DNAH14: variants seen among roughly 807,000 people sequenced by gnomAD.
The protein encoded by DNAH14 is axonemal beta dynein heavy chain 14.
Under a neutral mutation model 520.9 loss-of-function variants are expected in DNAH14, and 478 were observed. The ratio of observed to expected loss-of-function variants is 0.92; its 90% CI spans 0.85 to 0.99. The LOEUF is 0.99. Ranked by LOEUF, DNAH14 falls within the 50% of genes least tolerant of loss-of-function variation. DNAH14 has a pLI of 0.00. For synonymous variants in DNAH14, 1,581 were observed against 1,757.2 expected (o/e 0.90, Z 2.51); for missense variants, 4,831 against 5,234.5 (o/e 0.92, Z 2.38).
At chr1:225,102,102 C>T (rs1014439656) in intron 23 of DNAH14, among the ~76,000 whole-genome samples, 1 of 145,886 alleles carries the variant, frequency 6.9e-6, no homozygotes, top group Non-Finnish European at 1.5e-5. Flanking sequence ...CATGTGTTCT[C>T]ATTGTTCAAT....
chr1:225,283,593 T>G (rs1331870110), intron 54 of DNAH14, among the ~76,000 whole-genome samples: 1 of 152,118 alleles, frequency 6.6e-6, no homozygotes, highest in Non-Finnish European at 1.5e-5. Context: ...AGTTGGACAC[T>G]TCAATACCTT....
intron 45 of DNAH14, 97 bp from the exon 46 acceptor site, chr1:225,259,024 T>C: frequency 7.7e-7 from 1 of 1,291,792 alleles, no homozygotes; most frequent in Non-Finnish European, 1.0e-6. Flanking sequence ...TTTTATGCAA[T>C]TTTCAATTGA....
At chr1:225,331,032 C>T (rs1162703499) in intron 64 of DNAH14, among the ~76,000 whole-genome samples, 1 of 152,118 alleles carries the variant, frequency 6.6e-6, no homozygotes, top group Non-Finnish European at 1.5e-5. Context: ...ACAGTTGATT[C>T]ATCATACAGC....
In DNAH14 at chr1:225,266,752, G is replaced by A. The variant is rs750211706; in HGVS notation, c.7522G>A (p.Glu2508Lys). The change falls in exon 49 of 86, where the codon GAA becomes AAA. Residue 2508 changes from glutamate (E) to lysine (K), a missense_variant. Physicochemically the swap from Glu to Lys is moderately conservative, Grantham distance 56. Coordinates refer to ENST00000682510, the MANE Select transcript of DNAH14 (RefSeq NM_001367479.1). ...LLDLGGVYDT[E>K]KNTWKNIQDL... is the part of the protein sequence containing the mutation. ...AGATTTGGGAGGAGTTTATGATACT[G>A]AAAAAAATACATGGAAGGTACAGTA... 8.6e-6 allele frequency: 13 copies of A among 1,511,640 alleles called. No homozygotes were observed. The highest frequency in any genetic ancestry group is 1.1e-5 in the Non-Finnish European group (13 of 1,135,056). The allele number at this position is 1,511,640 out of a possible 1,614,324, so 93.6% of individuals were successfully genotyped here.
Position 225,192,738 on chromosome 1 carries a change from C to A in DNAH14, c.5713C>A (p.Pro1905Thr), listed in dbSNP as rs2085605957. ...AAAAGTAGATATTTGTGTTTTAAAT[C>A]CAAAGTGTGTCACTCTCAGTGAACT... ...KGKVDICVLN[P>T]KCVTLSELYG... Residue 1905 changes from proline (P) to threonine (T), a missense_variant, in exon 38 of 86, where the codon CCA becomes ACA. Pro to Thr is a conservative substitution (Grantham distance 38, BLOSUM62 -1). Transcript: ENST00000682510. The A allele has an allele frequency of 6.5e-7, 1 of 1,549,462 alleles. No individual in the cohort carries two copies. Among genetic ancestry groups the A allele is most frequent in the South Asian group, 1.2e-5 (1 of 83,802 alleles).
At position 225,206,175 on chromosome 1, in the gene DNAH14, A is replaced by G. The variant is rs929471758; in HGVS notation, c.6182A>G (p.Tyr2061Cys). ...ACTGTCAGCCGATGTGCCATGGTCT[A>G]TATGGTAAGCTTTCAAAAACAAATG... is the stretch of plus-strand genomic sequence containing the variant. Reference protein sequence around the residue: ...PATVSRCAMVYMDPVDLGWEP... With the variant: ...PATVSRCAMVCMDPVDLGWEP... Residue 2061 changes from tyrosine (Y) to cysteine (C), a missense_variant, in exon 40 of 86, where the codon TAT becomes TGT. Physicochemically the swap from Tyr to Cys is radical, Grantham distance 194 (BLOSUM62 -2). Transcript: ENST00000682510. 6 of 1,540,942 alleles carry G rather than the reference A, an allele frequency of 3.9e-6. No homozygotes were observed. The highest frequency in any genetic ancestry group is 4.4e-6 in the Non-Finnish European group (5 of 1,139,628).
intron 1 of DNAH14, among the ~76,000 whole-genome samples, chr1:224,935,996 C>CA (rs1297302267): frequency 4.0e-5 from 6 of 151,104 alleles, no homozygotes; most frequent in Non-Finnish European, 8.9e-5. Flanking sequence ...AAGACAGAAA[C>CA]AAAAAAAATT....
chr1:225,104,617 G>A (rs368941840), intron 23 of DNAH14, among the ~76,000 whole-genome samples: 3,886 of 151,958 alleles, frequency 0.026, 132 homozygotes, highest in African/African-American at 0.08. Flanking sequence ...GTCTTGGGAG[G>A]GTGTATGTGT....
intron 38 of DNAH14, 87 bp downstream of exon 38, chr1:225,192,998 A>AGACATCTAT (rs1371185165): frequency 1.0e-6 from 1 of 1,004,166 alleles, no homozygotes; most frequent in African/African-American, 1.6e-5. Context: ...AAACATCATT[A>AGACATCTAT]GACATCTATT....
rs567798418 is a variant in DNAH14, at chr1:225,252,393, A to G, written c.6841A>G (p.Asn2281Asp). 2 of 1,533,776 alleles carry G rather than the reference A, an allele frequency of 1.3e-6. No homozygotes were observed. The highest frequency in any genetic ancestry group is 2.7e-5 in the African/African-American group (2 of 72,826). The change falls in exon 44 of 86, where the codon AAT becomes GAT. Residue 2281 changes from asparagine to aspartate, a missense_variant. Transcript: ENST00000682510. The stretch of plus-strand genomic sequence containing the variant: ...CATACCTTGGTCAGATTTAGTTCCT[A>G]ATGATCAGACACTAATTCAAAGAGG... ...EFIPWSDLVP[N>D]DQTLIQRGTS...
At chr1:225,161,942 C>G (rs1276689963) in intron 35 of DNAH14, among the ~76,000 whole-genome samples, 1 of 152,098 alleles carries the variant, frequency 6.6e-6, no homozygotes, top group Non-Finnish European at 1.5e-5. Context: ...AATATTTTCT[C>G]CCATTCTGTG....
intron 54 of DNAH14, among the ~76,000 whole-genome samples, chr1:225,278,561 G>A (rs2093549829): frequency 1.3e-5 from 2 of 151,974 alleles, no homozygotes; most frequent in East Asian, 1.9e-4. Flanking sequence ...CTGGTCCTTA[G>A]CCTTATCTTA....
chr1:225,100,282 C>CCCCCTCTGT (rs1243891839), intron 22 of DNAH14, among the ~76,000 whole-genome samples: 9 of 152,024 alleles, frequency 5.9e-5, no homozygotes, highest in African/African-American at 1.9e-4. Flanking sequence ...AAGCTGAATG[C>CCCCCTCTGT]CCCCTCTGTC....
intron 15 of DNAH14, among the ~76,000 whole-genome samples, chr1:225,049,773 C>CTATCTATCTAT (rs1553408761): frequency 1.9e-4 from 27 of 143,020 alleles, no homozygotes; most frequent in South Asian, 6.8e-4. Context: ...TATCTATCTA[C>CTATCTATCTAT]CTATCTATCT....
chr1:225,208,760 G>T (rs2087937937), intron 41 of DNAH14, among the ~76,000 whole-genome samples: 1 of 152,014 alleles, frequency 6.6e-6, no homozygotes, highest in African/African-American at 2.4e-5. Flanking sequence ...TACACCTCTT[G>T]GATGTTCTGT....
intron 55 of DNAH14, among the ~76,000 whole-genome samples, chr1:225,297,548 A>C (rs1288568864): frequency 6.6e-6 from 1 of 152,210 alleles, no homozygotes; most frequent in Non-Finnish European, 1.5e-5. Context: ...TATGGGTTTT[A>C]CAGTGTCAGT....
chr1:225,162,794 G>A (rs761237770), intron 35 of DNAH14, among the ~76,000 whole-genome samples: 1 of 152,018 alleles, frequency 6.6e-6, no homozygotes, highest in Non-Finnish European at 1.5e-5. Context: ...TACTATAAAT[G>A]GGATTACTTT....
intron 67 of DNAH14, 135 bp from the exon 68 acceptor site, chr1:225,337,926 C>A: frequency 1.3e-6 from 1 of 786,224 alleles, no homozygotes; most frequent in Non-Finnish European, 1.9e-6. Flanking sequence ...ACTATAGTCA[C>A]CCTGTTGTAC....
chr1:225,300,328 A>G (rs1481892038), intron 55 of DNAH14, among the ~76,000 whole-genome samples: 1 of 152,204 alleles, frequency 6.6e-6, no homozygotes, highest in African/African-American at 2.4e-5. Context: ...CATACTCTCC[A>G]TACCAAGTAT....
Sources: allele counts gnomAD v4.1 joint callset (sites outside exome capture counted in the v4.1 genomes callset), GRCh38; gene constraint gnomAD v4.1.1; transcripts MANE v1.5; gene names NCBI Gene and HGNC (gene_info 2026-07-23, HGNC 2026-07-21).